The following SPMIP3 variants were observed in gnomAD, a reference collection of about 807,000 sequenced individuals.
SPMIP3 encodes sperm microtubule inner protein 3.
the SPMIP3 span, among the ~76,000 whole-genome samples, chr1:244,355,674 C>G: frequency 2.6e-5 from 4 of 152,316 alleles, no homozygotes; most frequent in South Asian, 8.3e-4. Context: ...GCATGAGCCA[C>G]CGCGCCCAGC....
the SPMIP3 span, among the ~76,000 whole-genome samples, chr1:244,383,324 C>T: frequency 0.23 from 35,031 of 151,836 alleles, 4,781 homozygotes; most frequent in East Asian, 0.55. Flanking sequence ...CCAGCCTGGG[C>T]GACGCAGTGA....
the SPMIP3 span, among the ~76,000 whole-genome samples, chr1:244,372,608 TA>T: frequency 1.2e-3 from 184 of 152,120 alleles, 1 homozygote; most frequent in African/African-American, 3.5e-3. Flanking sequence ...CACACCTGGC[TA>T]ATTTTTTGTA....
the SPMIP3 span, among the ~76,000 whole-genome samples, chr1:244,369,839 TG>T: frequency 6.6e-6 from 1 of 152,124 alleles, no homozygotes; most frequent in Admixed American, 6.5e-5. Flanking sequence ...ATTATGTAGA[TG>T]GGTTCTCTGC....
the SPMIP3 span, among the ~76,000 whole-genome samples, chr1:244,377,128 TA>T: frequency 6.5e-4 from 95 of 145,578 alleles, 3 homozygotes; most frequent in African/African-American, 1.1e-3. Context: ...ACTTTATTTT[TA>T]TTTTTTTTTT....
the SPMIP3 span, among the ~76,000 whole-genome samples, chr1:244,382,076 C>A: frequency 6.6e-6 from 1 of 152,132 alleles, no homozygotes; most frequent in South Asian, 2.1e-4. Context: ...GCTGGTGACC[C>A]CAGTATGATT....
At chr1:244,388,755 A>G in the SPMIP3 span, among the ~76,000 whole-genome samples, 2 of 152,220 alleles carry the variant, frequency 1.3e-5, no homozygotes, top group Non-Finnish European at 2.9e-5. Flanking sequence ...TAATTCAATA[A>G]TATGCCTCTT....
the SPMIP3 span, among the ~76,000 whole-genome samples, chr1:244,380,004 C>T: frequency 1.3e-5 from 2 of 151,642 alleles, no homozygotes; most frequent in Non-Finnish European, 2.9e-5. Context: ...GGCTCCCCGA[C>T]GTATAGGACC....
At chr1:244,372,695 G>T in the SPMIP3 span, among the ~76,000 whole-genome samples, 4,340 of 152,202 alleles carry the variant, frequency 0.029, 233 homozygotes, top group African/African-American at 0.098. Context: ...CGCCCGCCTT[G>T]GCCTCCCAAA....
the SPMIP3 span, chr1:244,364,783 C>A: frequency 6.2e-7 from 1 of 1,613,024 alleles, no homozygotes; most frequent in Non-Finnish European, 8.5e-7. Flanking sequence ...TGCACAGCCT[C>A]CGGGACTGAA....
chr1:244,386,003 AACACAC>A, the SPMIP3 span, among the ~76,000 whole-genome samples: 3,143 of 145,636 alleles, frequency 0.022, 36 homozygotes, highest in African/African-American at 0.027. Context: ...ATCTCTACAA[AACACAC>A]ACACACACAC....
chr1:244,389,184 A>G, the SPMIP3 span: 14 of 739,630 alleles, frequency 1.9e-5, 1 homozygote, highest in Non-Finnish European at 3.2e-5. Flanking sequence ...TATAATCCTA[A>G]AATATTTACA....
the SPMIP3 span, chr1:244,389,172 G>C: frequency 8.8e-6 from 7 of 798,340 alleles, 1 homozygote; most frequent in South Asian, 1.2e-4. Flanking sequence ...TATACAGATG[G>C]CTATAATCCT....
the SPMIP3 span, among the ~76,000 whole-genome samples, chr1:244,355,706 G>A: frequency 2.0e-5 from 3 of 152,150 alleles, no homozygotes; most frequent in Non-Finnish European, 1.5e-5. Context: ...TTTAGAATAA[G>A]TTTGTCTATA....
At chr1:244,358,402 G>A in the SPMIP3 span, among the ~76,000 whole-genome samples, 1 of 152,000 alleles carries the variant, frequency 6.6e-6, no homozygotes, top group Non-Finnish European at 1.5e-5. Context: ...TGGCCAACAT[G>A]GAGAAATCCT....
At chr1:244,377,618 AAT>A in the SPMIP3 span, among the ~76,000 whole-genome samples, 5 of 152,132 alleles carry the variant, frequency 3.3e-5, no homozygotes, top group Non-Finnish European at 5.9e-5. Context: ...TCAAGGTCTT[AAT>A]ATATATCACC....
At chr1:244,363,460 T>C in the SPMIP3 span, among the ~76,000 whole-genome samples, 1 of 151,888 alleles carries the variant, frequency 6.6e-6, no homozygotes, top group Non-Finnish European at 1.5e-5. Flanking sequence ...AAACAACCTA[T>C]ATGTTTAGTC....
the SPMIP3 span, among the ~76,000 whole-genome samples, chr1:244,366,474 T>C: frequency 6.6e-6 from 1 of 152,228 alleles, no homozygotes; most frequent in Non-Finnish European, 1.5e-5. Context: ...TCATGTTTAT[T>C]TTAATATTGA....
chr1:244,359,967 G>A, the SPMIP3 span, among the ~76,000 whole-genome samples: 1 of 151,906 alleles, frequency 6.6e-6, no homozygotes, highest in East Asian at 2.0e-4. Context: ...AAATTAGCTG[G>A]GCGTGGTGGT....
the SPMIP3 span, among the ~76,000 whole-genome samples, chr1:244,377,073 G>A: frequency 6.6e-6 from 1 of 151,916 alleles, no homozygotes; most frequent in African/African-American, 2.4e-5. Flanking sequence ...CTCCCAAAGT[G>A]ATGGGATTAC....
Sources: gnomAD v4.1 joint callset for allele counts (sites outside exome capture counted in the v4.1 genomes callset) on GRCh38, gnomAD v4.1.1 for gene constraint, MANE v1.5 for transcripts, NCBI Gene and HGNC (gene_info 2026-07-23, HGNC 2026-07-21) for gene names.